Variants in RNF182 observed in about 807,000 individuals in gnomAD.
The protein encoded by RNF182 is E3 ubiquitin-protein ligase RNF182.
A neutral mutation model predicts 14.4 loss-of-function variants in RNF182; 15 were observed. The observed-to-expected ratio is 1.04, with a 90% CI of 0.70 to 1.60. The LOEUF (loss-of-function observed/expected upper bound fraction) is 1.60. Ranked by LOEUF, RNF182 falls within the 40% of genes most tolerant of loss-of-function variation. The probability of loss-of-function intolerance (pLI) is 0.00; values close to 1 mark genes in which losing one functional copy is unlikely to be tolerated. For missense variants in RNF182, 268 were observed against 294.8 expected, an observed-to-expected ratio of 0.91 and a Z score of 0.67; for synonymous variants, 128 against 122.9, an observed-to-expected ratio of 1.04 and a Z score of -0.27.
chr6:13,967,323 G>T (rs889441054), intron 1 of RNF182, among the ~76,000 whole-genome samples: 2 of 152,146 alleles, frequency 1.3e-5, no homozygotes, highest in African/African-American at 4.8e-5. Flanking sequence ...ACAAAAAGAG[G>T]CAGAGTTTAT....
Position 13,974,301 on chromosome 6 carries a change from C to G in RNF182, c.-275C>G, listed in dbSNP as rs1279020476. 6.6e-6 allele frequency: 1 copy of G among 152,064 alleles called. No homozygotes were observed. Among genetic ancestry groups the G allele is most frequent in the African/African-American group, 2.4e-5 (1 of 41,402 alleles). 9.4% of individuals were successfully genotyped at this position (152,064 alleles called of 1,614,324 possible). A position where few individuals can be genotyped will look rare whatever the true frequency, so the allele number is the denominator to read the frequency against. On this transcript the variant is annotated 5_prime_UTR_variant, in exon 2 of 3. Transcript: ENST00000488300. ...TGCCCAGAAGAGCCGTTCTTAGAGG[C>G]AGGACTTGATGAAGGCTTTCCTGCT...
chr6:13,949,617 C>A, intron 1 of RNF182: 1 of 374,720 alleles, frequency 2.7e-6, no homozygotes, highest in South Asian at 3.1e-5. Flanking sequence ...ACTGATATGA[C>A]GATGATTCTT....
intron 1 of RNF182, among the ~76,000 whole-genome samples, chr6:13,941,559 C>A (rs1759299940): frequency 6.6e-6 from 1 of 152,016 alleles, no homozygotes; most frequent in Non-Finnish European, 1.5e-5. Context: ...TGGGTTTAAA[C>A]TTCCCATTGT....
At chr6:13,953,807 T>C (rs280170) in intron 1 of RNF182, among the ~76,000 whole-genome samples, 145,154 of 152,172 alleles carry the variant, frequency 0.95, 69,626 homozygotes, top group East Asian at 1. Flanking sequence ...GAGTTCCTTA[T>C]GGGCTCCCCC....
chr6:13,934,665 C>G (rs1403588675), intron 1 of RNF182, among the ~76,000 whole-genome samples: 1 of 152,216 alleles, frequency 6.6e-6, no homozygotes. Context: ...CGCATGAGCT[C>G]TTAATGCTGG....
intron 1 of RNF182, among the ~76,000 whole-genome samples, chr6:13,936,976 T>G (rs1466821272): frequency 6.6e-6 from 1 of 152,100 alleles, no homozygotes; most frequent in Non-Finnish European, 1.5e-5. Flanking sequence ...GAGATGTGGC[T>G]GGTGAGGTAG....
intron 1 of RNF182, among the ~76,000 whole-genome samples, chr6:13,965,720 C>G (rs1026901315): frequency 7.2e-5 from 11 of 152,220 alleles, no homozygotes; most frequent in African/African-American, 2.7e-4. Flanking sequence ...GCCCTACTTG[C>G]TCACCACACA....
rs150650839 is a variant in RNF182, at chr6:13,973,170, T to C, written c.-366-1040T>C. ...ACTTGCATGGGGCCTGTAGCCCCTT[T>C]GTTTTGACCAGTTTCTCCCATTTGG... On this transcript the variant is annotated intron_variant, in intron 1 of 2. Transcript: ENST00000488300. 1.8e-3 allele frequency among the ~76,000 whole-genome samples: 272 copies of C among 152,342 alleles called. 2 individuals are homozygous for C. Among genetic ancestry groups the C allele is most frequent in the Non-Finnish European group, 3.3e-3 (227 of 68,022 alleles).
At chr6:13,963,832 T>A (rs2113633999) in intron 1 of RNF182, among the ~76,000 whole-genome samples, 1 of 152,266 alleles carries the variant, frequency 6.6e-6, no homozygotes, top group African/African-American at 2.4e-5. Flanking sequence ...GAAAAGAAGA[T>A]CACATTGTAG....
chr6:13,947,558 T>A (rs1759470871), intron 1 of RNF182, among the ~76,000 whole-genome samples: 1 of 152,210 alleles, frequency 6.6e-6, no homozygotes, highest in Non-Finnish European at 1.5e-5. Context: ...TAGATTAGAC[T>A]TTTTAAAGCC....
intron 1 of RNF182, among the ~76,000 whole-genome samples, chr6:13,966,189 A>G (rs920678921): frequency 3.3e-5 from 5 of 152,226 alleles, no homozygotes; most frequent in South Asian, 2.1e-4. Flanking sequence ...TTATTACTAC[A>G]TAAGAATTTA....
At position 13,976,975 on chromosome 6, in the gene RNF182, G is replaced by A. The variant is rs1198702772; in HGVS notation, c.-145G>A. The stretch of plus-strand genomic sequence containing the variant: ...TTATATGCAGAAGTTGAAAATGCCT[G>A]GAAGATTTCTGGTTTCTTTCACTAC... On this transcript the variant is annotated 5_prime_UTR_variant, in exon 3 of 3. Coordinates refer to ENST00000488300, the MANE Select transcript of RNF182 (RefSeq NM_152737.4). 1 of 841,448 alleles carries A rather than the reference G, an allele frequency of 1.2e-6. No homozygotes were observed. The highest frequency in any genetic ancestry group is 2.3e-5 in the Admixed American group (1 of 43,202). The allele number at this position is 841,448 out of a possible 1,614,324, so 52.1% of individuals were successfully genotyped here.
At chr6:13,939,779 G>A (rs1222887398) in intron 1 of RNF182, among the ~76,000 whole-genome samples, 3 of 152,084 alleles carry the variant, frequency 2.0e-5, no homozygotes, top group Admixed American at 1.3e-4. Context: ...TCCTGACCTC[G>A]TGATCCACCC....
chr6:13,940,657 T>G (rs1759271572), intron 1 of RNF182, among the ~76,000 whole-genome samples: 1 of 152,136 alleles, frequency 6.6e-6, no homozygotes, highest in African/African-American at 2.4e-5. Flanking sequence ...AGGTTTTCTG[T>G]TTTTTCTAAC....
chr6:13,931,209 A>C (rs1585028680), intron 1 of RNF182, among the ~76,000 whole-genome samples: 1 of 152,302 alleles, frequency 6.6e-6, no homozygotes, highest in East Asian at 1.9e-4. Context: ...CAAAAACCAA[A>C]ATTAAATGGA....
intron 1 of RNF182, among the ~76,000 whole-genome samples, chr6:13,942,635 C>T (rs1759326986): frequency 6.6e-6 from 1 of 152,150 alleles, no homozygotes; most frequent in Non-Finnish European, 1.5e-5. Flanking sequence ...AGCCACCACC[C>T]CTGGCCAGTT....
intron 1 of RNF182, 24 bp from the exon 2 acceptor site, chr6:13,974,186 C>A (rs752211367): frequency 6.6e-6 from 1 of 151,924 alleles, no homozygotes; most frequent in Non-Finnish European, 1.5e-5. Context: ...GGAACAATCA[C>A]CATGCTCTTT....
chr6:13,926,341 A>T (rs1758824969), intron 1 of RNF182, among the ~76,000 whole-genome samples: 1 of 152,214 alleles, frequency 6.6e-6, no homozygotes, highest in Non-Finnish European at 1.5e-5. Flanking sequence ...TCAGGCAAAG[A>T]GTGATTATTT....
intron 1 of RNF182, among the ~76,000 whole-genome samples, chr6:13,932,829 G>C (rs1055883642): frequency 8.5e-5 from 13 of 152,130 alleles, no homozygotes; most frequent in African/African-American, 3.1e-4. Flanking sequence ...TTTCTAAAAA[G>C]TAATAATACA....
Sources: gnomAD v4.1 joint callset for allele counts (sites outside exome capture counted in the v4.1 genomes callset) on GRCh38, gnomAD v4.1.1 for gene constraint, MANE v1.5 for transcripts, NCBI Gene and HGNC (gene_info 2026-07-23, HGNC 2026-07-21) for gene names.